The following SAMMSON variants were observed in gnomAD, a reference collection of about 807,000 sequenced individuals.
The protein encoded by SAMMSON is long intergenic non-protein coding RNA 1212.
At chr3:70,229,304 T>C (rs1340679273) in intron 4 of SAMMSON, among the ~76,000 whole-genome samples, 3 of 152,196 alleles carry the variant, frequency 2.0e-5, no homozygotes, top group African/African-American at 7.2e-5. Context: ...TGTCAGTGCC[T>C]ATATTAGGAA....
At chr3:70,039,984 A>G (rs560667354) in intron 3 of SAMMSON, among the ~76,000 whole-genome samples, 1 of 152,140 alleles carries the variant, frequency 6.6e-6, no homozygotes, top group Non-Finnish European at 1.5e-5. Flanking sequence ...AGTTCTTGCA[A>G]AGCTCCTTTT....
rs557738869 is a variant in SAMMSON at position 70,251,178 on chromosome 3, C to T, written n.674+1508C>T. Among the ~76,000 whole-genome samples, 5 of 152,294 alleles carry T rather than the reference C, an allele frequency of 3.3e-5. 2 individuals carry two copies. In the South Asian group the frequency reaches 1.0e-3, roughly 32 times the overall value. On this transcript the variant is annotated intron_variant and non_coding_transcript_variant, in intron 6 of 9. Transcript: ENST00000642114. ...GCAAAAAGGTGGTTTCTGCCCACATCTTTGGAGACAGAGCTACTCCTCAGG... is the reference window on the plus strand; with the variant it reads ...GCAAAAAGGTGGTTTCTGCCCACATTTTTGGAGACAGAGCTACTCCTCAGG...
intron 6 of SAMMSON, among the ~76,000 whole-genome samples, chr3:70,279,832 G>A (rs1426414650): frequency 6.6e-6 from 1 of 152,074 alleles, no homozygotes; most frequent in East Asian, 1.9e-4. Context: ...AAGTCTCCTG[G>A]GCTGCACAAC....
At chr3:70,211,752 C>T (rs1701352112) in intron 4 of SAMMSON, among the ~76,000 whole-genome samples, 1 of 141,600 alleles carries the variant, frequency 7.1e-6, no homozygotes, top group African/African-American at 2.6e-5. Context: ...TTCTTCCTTT[C>T]TGCTTTTCTT....
intron 4 of SAMMSON, among the ~76,000 whole-genome samples, chr3:70,169,699 T>C (rs1020338518): frequency 6.6e-6 from 1 of 151,468 alleles, no homozygotes; most frequent in African/African-American, 2.4e-5. Context: ...AGAACAGTCT[T>C]TCTAGAACTC....
intron 3 of SAMMSON, among the ~76,000 whole-genome samples, chr3:70,026,924 A>T (rs1205904292): frequency 6.6e-6 from 1 of 152,190 alleles, no homozygotes; most frequent in African/African-American, 2.4e-5. Context: ...TAAGGCAACA[A>T]ATTGAATTGG....
At chr3:70,123,731 G>A (rs533781794) in intron 4 of SAMMSON, among the ~76,000 whole-genome samples, 41 of 152,342 alleles carry the variant, frequency 2.7e-4, no homozygotes, top group African/African-American at 9.9e-4. Context: ...GGAGTAGAAA[G>A]CCTTTAAGGT....
chr3:70,300,336 C>A (rs1246294691), intron 7 of SAMMSON, among the ~76,000 whole-genome samples: 2 of 152,058 alleles, frequency 1.3e-5, no homozygotes, highest in Non-Finnish European at 2.9e-5. Context: ...CCTTCTCTTA[C>A]AACATTATAC....
chr3:70,126,513 G>A (rs1559519560), intron 4 of SAMMSON: 2 of 619,456 alleles, frequency 3.2e-6, no homozygotes, highest in South Asian at 3.4e-5. Flanking sequence ...TCAGCTGGCA[G>A]GTGCCTCACC....
chr3:70,418,554 T>G (rs1376137332), intron 2 of SAMMSON, among the ~76,000 whole-genome samples: 1 of 152,212 alleles, frequency 6.6e-6, no homozygotes, highest in African/African-American at 2.4e-5. Flanking sequence ...ATGGCATTGA[T>G]GGACAGTCTG....
intron 6 of SAMMSON, among the ~76,000 whole-genome samples, chr3:70,278,438 T>A (rs796702038): frequency 2.0e-5 from 3 of 152,266 alleles, no homozygotes; most frequent in African/African-American, 7.2e-5. Flanking sequence ...TAGAAATAAT[T>A]GTAGAATGGG....
intron 3 of SAMMSON, among the ~76,000 whole-genome samples, chr3:70,033,963 G>T (rs2067075150): frequency 1.3e-5 from 2 of 152,194 alleles, no homozygotes; most frequent in South Asian, 4.2e-4. Flanking sequence ...TATGTCCTCT[G>T]GAAGACTCCT....
intron 6 of SAMMSON, among the ~76,000 whole-genome samples, chr3:70,261,637 A>G (rs1701867558): frequency 6.6e-6 from 1 of 152,114 alleles, no homozygotes; most frequent in African/African-American, 2.4e-5. Context: ...AACAATTTCT[A>G]CCATAAGTGC....
intron 6 of SAMMSON, among the ~76,000 whole-genome samples, chr3:70,259,985 A>G (rs1429838650): frequency 6.6e-6 from 1 of 152,188 alleles, no homozygotes; most frequent in Non-Finnish European, 1.5e-5. Flanking sequence ...CCCACTCACT[A>G]TCACGAGAAC....
At chr3:70,400,209 A>C (rs890074412) in intron 2 of SAMMSON, among the ~76,000 whole-genome samples, 1 of 152,214 alleles carries the variant, frequency 6.6e-6, no homozygotes, top group Non-Finnish European at 1.5e-5. Flanking sequence ...ATTGCACACA[A>C]ATATGGTGCC....
rs935645578 is a variant in SAMMSON, at chr3:70,311,812, C to T, written n.739+20569C>T. The T allele has an allele frequency of 5.6e-5, 22 of 394,296 alleles. No individual in the cohort carries two copies. In the Middle Eastern group the frequency reaches 2.5e-3, roughly 45 times the overall value. 24.4% of individuals were successfully genotyped at this position (394,296 alleles called of 1,614,324 possible). A position where few individuals can be genotyped will look rare whatever the true frequency, so the allele number is the denominator to read the frequency against. On this transcript the variant is annotated intron_variant and non_coding_transcript_variant, in intron 7 of 9. Coordinates refer to ENST00000642114, the Ensembl canonical transcript of SAMMSON. The stretch of plus-strand genomic sequence containing the variant: ...ACGGTCAGGACAATTTCCTCCTTCT[C>T]CCACACTATTCCTTGCTTATAAACA...
At chr3:70,009,327 G>A (rs1207196370) in intron 1 of SAMMSON, 7 of 152,038 alleles carry the variant, frequency 4.6e-5, no homozygotes, top group Non-Finnish European at 8.8e-5. Context: ...GCCTGTTATT[G>A]GTCTATTCAG....
intron 3 of SAMMSON, among the ~76,000 whole-genome samples, chr3:70,067,528 T>A (rs545673322): frequency 5.3e-5 from 8 of 152,022 alleles, no homozygotes; most frequent in Admixed American, 2.6e-4. Flanking sequence ...GAAAGGAGGG[T>A]TGTCTGGATA....
At chr3:70,104,010 T>C (rs76703596) in intron 4 of SAMMSON, among the ~76,000 whole-genome samples, 26 of 144,848 alleles carry the variant, frequency 1.8e-4, no homozygotes, top group African/African-American at 6.6e-4. Context: ...TTTTTTTTTT[T>C]CCTATCATAG....
Sources: gnomAD v4.1 joint callset for allele counts (sites outside exome capture counted in the v4.1 genomes callset) on GRCh38, gnomAD v4.1.1 for gene constraint, MANE v1.5 for transcripts, NCBI Gene and HGNC (gene_info 2026-07-23, HGNC 2026-07-21) for gene names.